MLLT3: variants seen among roughly 807,000 people sequenced by gnomAD.
MLLT3 encodes the protein protein AF-9.
Under a neutral mutation model 53.2 loss-of-function variants are expected in MLLT3, and 4 were observed. The ratio of observed to expected loss-of-function variants is 0.08; its 90% CI spans 0.04 to 0.17. The LOEUF (loss-of-function observed/expected upper bound fraction) is 0.17. MLLT3 is among the 10% of genes least tolerant of loss of function. MLLT3 has a pLI of 1.00. For missense variants in MLLT3, 569 were observed against 684.0 expected, an observed-to-expected ratio of 0.83 and a Z score of 1.87; for synonymous variants, 283 against 230.6, an observed-to-expected ratio of 1.23 and a Z score of -2.06.
At chr9:20,600,458 C>T (rs896755934) in intron 2 of MLLT3, among the ~76,000 whole-genome samples, 8 of 152,328 alleles carry the variant, frequency 5.3e-5, no homozygotes, top group Middle Eastern at 3.4e-3. Flanking sequence ...AACTGGTGTA[C>T]ATTCTCAACC....
intron 2 of MLLT3, among the ~76,000 whole-genome samples, chr9:20,466,491 C>CT (rs1824241204): frequency 6.6e-6 from 1 of 152,020 alleles, no homozygotes; most frequent in Non-Finnish European, 1.5e-5. Context: ...GGTTTTTTTG[C>CT]TTGCTCCTAT....
rs1430353712 is a variant in MLLT3 at position 20,413,880 on chromosome 9, A to G, written c.966T>C (p.Ala322=). ...SAPPLILTCS[A]DKKQIKDKSH... The stretch of plus-strand genomic sequence containing the variant: ...ATTTATCTTTTATCTGTTTTTTGTC[A>G]GCAGAACAAGTGAGTATCAGTGGTG... Residue 322 remains alanine (A), a synonymous_variant, in exon 5 of 11, where the codon GCT becomes GCC. Coordinates refer to ENST00000380338, the MANE Select transcript of MLLT3 (RefSeq NM_004529.4). The G allele has an allele frequency of 6.2e-7, 1 of 1,614,028 alleles. No homozygotes were observed. The highest frequency in any genetic ancestry group is 8.5e-7 in the Non-Finnish European group (1 of 1,180,012).
chr9:20,376,022 A>G (rs932112189), intron 5 of MLLT3, among the ~76,000 whole-genome samples: 5 of 152,316 alleles, frequency 3.3e-5, no homozygotes, highest in Admixed American at 1.3e-4. Context: ...GTAAAATCAT[A>G]TATTTTATTT....
At chr9:20,463,676 G>C (rs532077457) in intron 2 of MLLT3, among the ~76,000 whole-genome samples, 142 of 152,132 alleles carry the variant, frequency 9.3e-4, no homozygotes, top group Non-Finnish European at 1.6e-3. Flanking sequence ...AGGCTAATAT[G>C]ATGGGAAATA....
chr9:20,459,981 A>G (rs1303788468), intron 2 of MLLT3, among the ~76,000 whole-genome samples: 2 of 152,232 alleles, frequency 1.3e-5, no homozygotes, highest in Non-Finnish European at 2.9e-5. Context: ...GAAGAAAGTC[A>G]AATTAGGGGA....
chr9:20,589,135 C>T (rs1199502146), intron 2 of MLLT3, among the ~76,000 whole-genome samples: 4 of 148,780 alleles, frequency 2.7e-5, no homozygotes, highest in Non-Finnish European at 4.5e-5. Context: ...CGCATGCACA[C>T]GTATGTTTAT....
chr9:20,381,660 T>C (rs932589759), intron 5 of MLLT3, among the ~76,000 whole-genome samples: 3 of 151,954 alleles, frequency 2.0e-5, no homozygotes, highest in East Asian at 1.9e-4. Context: ...AACATTTTAA[T>C]GTATAATTAA....
chr9:20,522,732 A>C (rs1382531907), intron 2 of MLLT3, among the ~76,000 whole-genome samples: 1 of 152,176 alleles, frequency 6.6e-6, no homozygotes, highest in Non-Finnish European at 1.5e-5. Context: ...GAAAAGCCAC[A>C]GACTAGAAGG....
intron 2 of MLLT3, among the ~76,000 whole-genome samples, chr9:20,589,862 C>T (rs1820082771): frequency 6.6e-6 from 1 of 151,940 alleles, no homozygotes; most frequent in Middle Eastern, 3.2e-3. Flanking sequence ...AGGTGCCCGC[C>T]ACTGTGCCCA....
In MLLT3 at chr9:20,515,195, C is replaced by G. The variant is rs138730451; in HGVS notation, c.194-58409G>C. Among the ~76,000 whole-genome samples the G allele has an allele frequency of 5.1e-3, 782 of 152,150 alleles. 7 individuals carry two copies. The highest frequency in any genetic ancestry group is 0.018 in the African/African-American group (737 of 41,488). On this transcript the variant is annotated intron_variant, in intron 2 of 10. Coordinates refer to ENST00000380338, the MANE Select transcript of MLLT3 (RefSeq NM_004529.4). ...ACTCCTGACCTCGTGAGCCACCTGCCTTAGTCTCCCAAAGTGCTGGGATTA... is the reference window on the plus strand; with the variant it reads ...ACTCCTGACCTCGTGAGCCACCTGCGTTAGTCTCCCAAAGTGCTGGGATTA...
chr9:20,442,889 C>A (rs1823590389), intron 4 of MLLT3, among the ~76,000 whole-genome samples: 2 of 152,160 alleles, frequency 1.3e-5, no homozygotes, highest in South Asian at 4.1e-4. Context: ...CATGTCTTCT[C>A]CAGCAAATCT....
chr9:20,576,229 G>C (rs1010972139), intron 2 of MLLT3, among the ~76,000 whole-genome samples: 1 of 152,178 alleles, frequency 6.6e-6, no homozygotes, highest in Admixed American at 6.6e-5. Context: ...CTCTGGATTA[G>C]GCTTTGGCTT....
At chr9:20,566,614 G>A (rs1422127710) in intron 2 of MLLT3, among the ~76,000 whole-genome samples, 4 of 152,068 alleles carry the variant, frequency 2.6e-5, no homozygotes, top group Non-Finnish European at 5.9e-5. Context: ...CTATTCACCT[G>A]TGCATCCAGT....
At chr9:20,409,412 T>A (rs781298850) in intron 5 of MLLT3, among the ~76,000 whole-genome samples, 2 of 152,156 alleles carry the variant, frequency 1.3e-5, no homozygotes, top group Non-Finnish European at 2.9e-5. Context: ...AGATATTTGG[T>A]TTTTTCCCTA....
chr9:20,507,928 G>C (rs111396452), intron 2 of MLLT3, among the ~76,000 whole-genome samples: 130 of 152,016 alleles, frequency 8.6e-4, no homozygotes, highest in Admixed American at 9.2e-4. Flanking sequence ...TAACACATTT[G>C]TTTAAAAAAA....
intron 4 of MLLT3, among the ~76,000 whole-genome samples, chr9:20,416,153 AATAAAGT>A (rs1385474181): frequency 6.6e-6 from 1 of 152,014 alleles, no homozygotes; most frequent in Non-Finnish European, 1.5e-5. Context: ...GAATAATTAA[AATAAAGT>A]ATAATGGACA....
At chr9:20,539,761 C>T (rs1386038295) in intron 2 of MLLT3, among the ~76,000 whole-genome samples, 1 of 152,190 alleles carries the variant, frequency 6.6e-6, no homozygotes, top group African/African-American at 2.4e-5. Context: ...CCTTCTCACA[C>T]TGTGAGATCA....
chr9:20,622,262 G>C lies in MLLT3; in HGVS notation c.-6C>G, dbSNP rs769556743. The C allele has an allele frequency of 4.4e-6, 7 of 1,596,112 alleles. No homozygotes were observed. Among genetic ancestry groups the C allele is most frequent in the Non-Finnish European group, 6.0e-6 (7 of 1,170,398 alleles). Reference sequence around the variant, plus strand: ...GTACTTACCGAGCTAGCCATGCCTGGGGGCCCGGAGGTTTGCTGGGGTGTT... The same window carrying C: ...GTACTTACCGAGCTAGCCATGCCTGCGGGCCCGGAGGTTTGCTGGGGTGTT... On this transcript the variant is annotated 5_prime_UTR_variant, in exon 1 of 11. Coordinates refer to ENST00000380338, the MANE Select transcript of MLLT3 (RefSeq NM_004529.4).
intron 2 of MLLT3, among the ~76,000 whole-genome samples, chr9:20,537,561 G>C (rs975042056): frequency 6.6e-6 from 1 of 152,060 alleles, no homozygotes. Context: ...GCGGGGGTGA[G>C]GGAGTCCTGC....
Sources: allele counts gnomAD v4.1 joint callset (sites outside exome capture counted in the v4.1 genomes callset), GRCh38; gene constraint gnomAD v4.1.1; transcripts MANE v1.5; gene names NCBI Gene and HGNC (gene_info 2026-07-23, HGNC 2026-07-21).